Variants in NF1 observed in about 807,000 individuals in gnomAD.
NF1 encodes the protein neurofibromin 1.
Under a neutral mutation model 325.7 loss-of-function variants are expected in NF1, and 122 were observed. The ratio of observed to expected loss-of-function variants is 0.37; its 90% CI spans 0.32 to 0.44. NF1 has a LOEUF of 0.44. NF1 is among the 20% of genes least tolerant of loss of function. The probability of loss-of-function intolerance (pLI) is 1.00; values close to 1 mark genes in which losing one functional copy is unlikely to be tolerated. For synonymous variants in NF1, 1,091 were observed against 1,186.0 expected, an observed-to-expected ratio of 0.92 and a Z score of 1.65; for missense variants, 2,140 against 3,415.4, an observed-to-expected ratio of 0.63 and a Z score of 9.31.
Position 31,318,113 on chromosome 17 carries a change from G to A in NF1, c.4836-7707G>A, listed in dbSNP as rs1597818272. 5 of 623,392 alleles carry A rather than the reference G, an allele frequency of 8.0e-6. No homozygotes were observed. The Admixed American group carries it at 1.1e-4, about 14-fold the overall frequency. The allele number at this position is 623,392 out of a possible 1,614,324, so 38.6% of individuals were successfully genotyped here. ...TTATTTGCTTTTTAAAATATTCAGT[G>A]TCAAAACAAAAGTACACAGTTTAAA... is the stretch of plus-strand genomic sequence containing the variant. On this transcript the variant is annotated intron_variant, in intron 36 of 57. Transcript: ENST00000358273.
In NF1 at chr17:31,326,275, T is replaced by C. The variant is rs9894648; in HGVS notation, c.5268+23T>C. The C allele has an allele frequency of 0.62, 993,778 of 1,599,250 alleles. 312,036 individuals are homozygous for C. The highest frequency in any genetic ancestry group is 0.75 in the African/African-American group (56,417 of 74,870). ...AAAGTAAGTTCCAGTCTGTGTTTTG[T>C]AAACGATTCATTGCTTTTCTTGACT... is the stretch of plus-strand genomic sequence containing the variant. On this transcript the variant is annotated intron_variant, in intron 37 of 57. Transcript: ENST00000358273.
chr17:31,110,910 A>C (rs922100103), intron 1 of NF1, among the ~76,000 whole-genome samples: 1 of 151,950 alleles, frequency 6.6e-6, no homozygotes, highest in Non-Finnish European at 1.5e-5. Context: ...AAAAACAAAA[A>C]CAAAAAAAAC....
Position 31,336,191 on chromosome 17 carries a change from C to A in NF1, c.6007-142C>A. On this transcript the variant is annotated intron_variant, in intron 40 of 57. Transcript: ENST00000358273. This position sits in a 1 kb window ranked among gnomAD's most constrained non-coding sequence, Gnocchi z 5.5. ...ATAATAAATTGTATTTACTGACAGG[C>A]CTGTAAATAAAATCTAGTATTTTTG... is the stretch of plus-strand genomic sequence containing the variant. 3 of 762,432 alleles carry A rather than the reference C, an allele frequency of 3.9e-6. No homozygotes were observed. Among genetic ancestry groups the A allele is most frequent in the Non-Finnish European group, 6.5e-6 (3 of 460,770 alleles). The allele number at this position is 762,432 out of a possible 1,614,324, so 47.2% of individuals were successfully genotyped here.
chr17:31,305,023 T>C lies in NF1; in HGVS notation c.4836-20797T>C, dbSNP rs936131182. On this transcript the variant is annotated intron_variant, in intron 36 of 57. Coordinates refer to ENST00000358273, the MANE Select transcript of NF1 (RefSeq NM_001042492.3). ...AGCTATTGAATTATAATTGTTTTTT[T>C]GTGGGGTTTGTTTGTTACTGGTAGT... 4 of 1,614,074 alleles carry C rather than the reference T, an allele frequency of 2.5e-6. No homozygotes were observed. In the African/African-American group the frequency reaches 5.3e-5, roughly 22 times the overall value.
intron 36 of NF1, chr17:31,319,149 T>G: frequency 1.0e-6 from 1 of 955,340 alleles, no homozygotes; most frequent in Non-Finnish European, 1.5e-6. Flanking sequence ...TAATATTCGC[T>G]ACCCTGAATT....
intron 36 of NF1, among the ~76,000 whole-genome samples, chr17:31,288,067 A>G (rs931236297): frequency 6.6e-6 from 1 of 151,982 alleles, no homozygotes; most frequent in African/African-American, 2.4e-5. Context: ...TGTACCCTAA[A>G]ACTTAAAGTA....
rs139460673 is a variant in NF1, at chr17:31,376,228, T to C, written c.*2073T>C. On this transcript the variant is annotated 3_prime_UTR_variant, in exon 58 of 58. Transcript: ENST00000358273. ...TAAGCCTTTGATAACTTTAGTTCGA[T>C]GTTTTTCTTGTTTTTGTTTGTTGGT... 6.0e-5 allele frequency: 14 copies of C among 233,068 alleles called. No individual in the cohort carries two copies. The highest frequency in any genetic ancestry group is 6.0e-5 in the East Asian group (1 of 16,552). 14.4% of individuals were successfully genotyped at this position (233,068 alleles called of 1,614,324 possible).
chr17:31,242,393 G>A (rs2067314736), intron 29 of NF1, among the ~76,000 whole-genome samples: 1 of 127,608 alleles, frequency 7.8e-6, no homozygotes, highest in South Asian at 2.4e-4. Context: ...TCTGCTCACT[G>A]CACCCTCCGC....
chr17:31,157,392 C>T (rs967374641), intron 2 of NF1, among the ~76,000 whole-genome samples: 2 of 151,888 alleles, frequency 1.3e-5, no homozygotes, highest in Non-Finnish European at 2.9e-5. Flanking sequence ...TGAGATGGTC[C>T]TTAGGTTTAT....
chr17:31,342,131 C>A (rs2069840294), intron 47 of NF1, among the ~76,000 whole-genome samples: 1 of 152,092 alleles, frequency 6.6e-6, no homozygotes, highest in Non-Finnish European at 1.5e-5. Context: ...TTAATCAGAC[C>A]TCCATTTTGC....
At chr17:31,306,471 T>C (rs2068724105) in intron 36 of NF1, among the ~76,000 whole-genome samples, 1 of 152,122 alleles carries the variant, frequency 6.6e-6, no homozygotes, top group South Asian at 2.1e-4. Context: ...AAAATGGAGT[T>C]CATCTTTACC....
intron 36 of NF1, among the ~76,000 whole-genome samples, chr17:31,275,763 A>G (rs2067995773): frequency 2.6e-5 from 4 of 152,184 alleles, no homozygotes; most frequent in Admixed American, 1.3e-4. Flanking sequence ...CAGTCATTTT[A>G]GTACTTTATA....
chr17:31,267,966 G>A (rs2151472917), intron 36 of NF1, among the ~76,000 whole-genome samples: 1 of 152,270 alleles, frequency 6.6e-6, no homozygotes, highest in African/African-American at 2.4e-5. Context: ...TTATTGCAAA[G>A]CAGTCATTTG....
rs2151553181 is a variant in NF1, at chr17:31,336,343, T to C, written c.6017T>C (p.Leu2006Pro). Residue 2006 changes from leucine to proline, a missense_variant, in exon 41 of 58, where the codon CTG (leucine) becomes CCG (proline). Coordinates refer to ENST00000358273, the MANE Select transcript of NF1 (RefSeq NM_001042492.3). This position sits in a 1 kb window ranked among gnomAD's most constrained non-coding sequence, Gnocchi z 5.5. ...TCCTTCTTCAACTAGATTACAGATC[T>C]GCTTGATGTTGTACTAGACAGTTTC... Reference protein sequence around the residue: ...IWGSLGQITDLLDVVLDSFIK... With the variant: ...IWGSLGQITDPLDVVLDSFIK... 1 of 1,614,098 alleles carries C rather than the reference T, an allele frequency of 6.2e-7. No individual in the cohort carries two copies. The highest frequency in any genetic ancestry group is 8.5e-7 in the Non-Finnish European group (1 of 1,179,972).
At position 31,304,861 on chromosome 17, in the gene NF1, G is replaced by T. The variant is rs991627764; in HGVS notation, c.4836-20959G>T. On this transcript the variant is annotated intron_variant, in intron 36 of 57. Transcript: ENST00000358273. ...TCTGATGTTATCCATACAAATGTCA[G>T]GGGTTTCTCCATCAGCAAATGGAGA... The T allele has an allele frequency of 2.5e-6, 4 of 1,613,806 alleles. No individual in the cohort carries two copies. In the African/African-American group the frequency reaches 4.0e-5, roughly 16 times the overall value.
intron 33 of NF1, 126 bp from the exon 34 acceptor site, chr17:31,260,243 G>T (rs1347072964): frequency 3.0e-6 from 3 of 994,798 alleles, no homozygotes; most frequent in Non-Finnish European, 4.7e-6. Context: ...AAGTCACATT[G>T]TGTGAACAAG....
chr17:31,362,322 G>C, intron 57 of NF1: 1 of 985,324 alleles, frequency 1.0e-6, no homozygotes, highest in Non-Finnish European at 1.2e-6. Context: ...CTGCTTCCCC[G>C]CTGATAAACC....
Position 31,377,176 on chromosome 17 carries a change from AT to A in NF1, c.*3029del, listed in dbSNP as rs1028265964. 1.2e-4 allele frequency: 28 copies of A among 233,014 alleles called. No individual in the cohort carries two copies. The highest frequency in any genetic ancestry group is 3.8e-4 in the African/African-American group (17 of 45,196). The allele number at this position is 233,014 out of a possible 1,614,324, so 14.4% of individuals were successfully genotyped here. On this transcript the variant is annotated 3_prime_UTR_variant, in exon 58 of 58. Transcript: ENST00000358273. ...ATTCATTCTTAGTGTCAGCCACACA[AT>A]TTTTTTTAATGCAGTATATTCACCT... is the stretch of plus-strand genomic sequence containing the variant.
chr17:31,154,003 G>A (rs1400101334), intron 1 of NF1, among the ~76,000 whole-genome samples: 1 of 147,182 alleles, frequency 6.8e-6, no homozygotes, highest in Non-Finnish European at 1.5e-5. Context: ...TCATTTTCAT[G>A]TAGATATTCA....
Sources: gnomAD v4.1 joint callset for allele counts (sites outside exome capture counted in the v4.1 genomes callset) on GRCh38, gnomAD v4.1.1 for gene constraint, Gnocchi (gnomAD v3.1) non-coding constraint, MANE v1.5 for transcripts, NCBI Gene and HGNC (gene_info 2026-07-23, HGNC 2026-07-21) for gene names.